The following ZBTB20 variants were observed in gnomAD, a reference collection of about 807,000 sequenced individuals.
The protein encoded by ZBTB20 is zinc finger and BTB domain-containing protein 20.
ZBTB20 carries 9 observed loss-of-function variants against 56.9 expected under a neutral mutation model. The observed-to-expected ratio is 0.16, with a 90% CI of 0.10 to 0.28. The LOEUF is 0.28. ZBTB20 is among the 10% of genes least tolerant of loss of function. The pLI is 1.00. For missense variants in ZBTB20, 655 were observed against 1,003.0 expected (o/e 0.65, Z 4.69); for synonymous variants, 417 against 420.7 (o/e 0.99, Z 0.11).
Position 115,127,216 on chromosome 3 carries a change from C to T in ZBTB20, c.-703+20003G>A, listed in dbSNP as rs564402956. ...GATTGATTGAGACTATTCAAGGCAACAATAAACGTCAAGCCTTGTTAATGC... is the reference window on the plus strand; with the variant it reads ...GATTGATTGAGACTATTCAAGGCAATAATAAACGTCAAGCCTTGTTAATGC... On this transcript the variant is annotated intron_variant, in intron 1 of 11. Coordinates refer to ENST00000675478, the MANE Select transcript of ZBTB20 (RefSeq NM_001348800.3). Among the ~76,000 whole-genome samples, 277 of 152,220 alleles carry T rather than the reference C, an allele frequency of 1.8e-3. 2 individuals are homozygous for T. The highest frequency in any genetic ancestry group is 0.01 in the Middle Eastern group (3 of 294).
At chr3:114,994,536 C>T (rs2078950188) in intron 2 of ZBTB20, among the ~76,000 whole-genome samples, 1 of 151,852 alleles carries the variant, frequency 6.6e-6, no homozygotes, top group African/African-American at 2.4e-5. Flanking sequence ...TAGGTCTAAA[C>T]AATTAAATAA....
At chr3:114,600,544 T>G (rs961841419) in intron 6 of ZBTB20, among the ~76,000 whole-genome samples, 1 of 152,162 alleles carries the variant, frequency 6.6e-6, no homozygotes, top group Non-Finnish European at 1.5e-5. Flanking sequence ...TCCTTTAATG[T>G]GAGATTCTCA....
At chr3:114,378,888 C>T (rs558299287) in intron 10 of ZBTB20, 4 of 152,374 alleles carry the variant, frequency 2.6e-5, no homozygotes, top group Admixed American at 6.5e-5. Context: ...CCTGGTTTCT[C>T]TATAGAAGCC....
intron 5 of ZBTB20, among the ~76,000 whole-genome samples, chr3:114,706,101 G>T (rs1046113951): frequency 6.6e-6 from 1 of 152,126 alleles, no homozygotes; most frequent in Non-Finnish European, 1.5e-5. Flanking sequence ...GAGAGAGAGA[G>T]AGAGACAGAC....
At chr3:114,660,263 G>T (rs989874784) in intron 6 of ZBTB20, among the ~76,000 whole-genome samples, 1 of 152,044 alleles carries the variant, frequency 6.6e-6, no homozygotes, top group Non-Finnish European at 1.5e-5. Context: ...CGTTTCCCTC[G>T]GTTGGAGAAG....
chr3:114,643,975 G>C (rs952117851), intron 6 of ZBTB20, among the ~76,000 whole-genome samples: 1 of 151,720 alleles, frequency 6.6e-6, no homozygotes, highest in Non-Finnish European at 1.5e-5. Context: ...GCACATTATA[G>C]GTTCTCTTTA....
chr3:114,921,080 A>G (rs185371796), intron 3 of ZBTB20, among the ~76,000 whole-genome samples: 1 of 152,286 alleles, frequency 6.6e-6, no homozygotes, highest in East Asian at 1.9e-4. Flanking sequence ...AGGAGATTGA[A>G]TCAGTAATAA....
At chr3:115,104,870 T>TAATA (rs946980526) in intron 1 of ZBTB20, among the ~76,000 whole-genome samples, 3 of 152,128 alleles carry the variant, frequency 2.0e-5, no homozygotes, top group African/African-American at 7.2e-5. Flanking sequence ...GGAGTAATAA[T>TAATA]AATATGTCAA....
intron 5 of ZBTB20, among the ~76,000 whole-genome samples, chr3:114,706,332 G>A (rs1333679022): frequency 6.6e-6 from 1 of 152,164 alleles, no homozygotes; most frequent in Non-Finnish European, 1.5e-5. Flanking sequence ...CTATTTGTGT[G>A]TGACTTTCTC....
At chr3:114,688,733 TAA>T (rs556001770) in intron 6 of ZBTB20, among the ~76,000 whole-genome samples, 2 of 152,196 alleles carry the variant, frequency 1.3e-5, no homozygotes, top group South Asian at 4.1e-4. Context: ...TAATTAATTA[TAA>T]GAGTCTTTAA....
intron 4 of ZBTB20, among the ~76,000 whole-genome samples, chr3:114,890,842 C>A (rs1182650649): frequency 6.6e-6 from 1 of 152,106 alleles, no homozygotes; most frequent in Non-Finnish European, 1.5e-5. Context: ...AATTATATAA[C>A]CACTTATTTA....
Position 114,350,345 on chromosome 3 carries a change from T to A in ZBTB20, c.1733A>T (p.Tyr578Phe). Reference protein sequence around the residue: ...TASGQGEKKPYECTLCNKTFT... With the variant: ...TASGQGEKKPFECTLCNKTFT... ...AGTCTTGTTGCAGAGAGTGCACTCA[T>A]AAGGCTTTTTTTCGCCTTGCCCACT... is the stretch of plus-strand genomic sequence containing the variant. Residue 578 changes from tyrosine to phenylalanine, a missense_variant, in exon 11 of 12, where the codon TAT (tyrosine) becomes TTT (phenylalanine). Coordinates refer to ENST00000675478, the MANE Select transcript of ZBTB20 (RefSeq NM_001348800.3). 6.2e-7 allele frequency: 1 copy of A among 1,614,140 alleles called. No individual in the cohort carries two copies.
intron 4 of ZBTB20, among the ~76,000 whole-genome samples, chr3:114,822,147 C>T (rs1260545186): frequency 1.3e-5 from 2 of 152,004 alleles, no homozygotes; most frequent in African/African-American, 2.4e-5. Context: ...ATTGCACATG[C>T]TAAATGGGGA....
At chr3:114,985,704 C>T (rs1019843271) in intron 2 of ZBTB20, among the ~76,000 whole-genome samples, 1 of 152,008 alleles carries the variant, frequency 6.6e-6, no homozygotes, top group Non-Finnish European at 1.5e-5. Flanking sequence ...AGACCAAACC[C>T]TGAATCTTTA....
At position 114,333,682 on chromosome 3, in the gene ZBTB20, CTTT is replaced by C. The variant is rs1271973153; in HGVS notation, c.*5320_*5322del. On this transcript the variant is annotated 3_prime_UTR_variant, in exon 12 of 12. Coordinates refer to ENST00000675478, the MANE Select transcript of ZBTB20 (RefSeq NM_001348800.3). ...TCCTATTTTTCTTTTTTTTTAATTT[CTTT>C]TTCTGAGGAACAAAATTGGCCATTT... is the stretch of plus-strand genomic sequence containing the variant. 2 of 151,330 alleles carry C rather than the reference CTTT, an allele frequency of 1.3e-5. No homozygotes were observed. The highest frequency in any genetic ancestry group is 2.9e-5 in the Non-Finnish European group (2 of 67,832). 9.4% of individuals were successfully genotyped at this position (151,330 alleles called of 1,614,324 possible). A position where few individuals can be genotyped will look rare whatever the true frequency, so the allele number is the denominator to read the frequency against.
intron 2 of ZBTB20, among the ~76,000 whole-genome samples, chr3:114,998,146 C>T (rs562161171): frequency 1.3e-5 from 2 of 151,698 alleles, no homozygotes; most frequent in Admixed American, 1.3e-4. Flanking sequence ...CAAATTTACC[C>T]GTTACCCAGC....
intron 7 of ZBTB20, among the ~76,000 whole-genome samples, chr3:114,460,966 C>T (rs1179179912): frequency 6.6e-6 from 1 of 152,160 alleles, no homozygotes; most frequent in African/African-American, 2.4e-5. Context: ...TCTAAGTTGA[C>T]ATAAAGCAAT....
intron 6 of ZBTB20, among the ~76,000 whole-genome samples, chr3:114,676,032 G>C (rs2061607331): frequency 6.6e-6 from 1 of 152,098 alleles, no homozygotes; most frequent in Non-Finnish European, 1.5e-5. Context: ...AGAGAGATCA[G>C]AAACTTGCCC....
chr3:114,384,547 C>G (rs1286034927), intron 8 of ZBTB20, among the ~76,000 whole-genome samples: 2 of 152,000 alleles, frequency 1.3e-5, no homozygotes, highest in East Asian at 3.9e-4. Context: ...GACTGAACAT[C>G]TCTCAATTGT....
Sources: gnomAD v4.1 joint callset for allele counts (sites outside exome capture counted in the v4.1 genomes callset) on GRCh38, gnomAD v4.1.1 for gene constraint, MANE v1.5 for transcripts, NCBI Gene and HGNC (gene_info 2026-07-23, HGNC 2026-07-21) for gene names.